The following RGS7BP variants were observed in gnomAD, a reference collection of about 807,000 sequenced individuals.
RGS7BP encodes regulator of G protein signaling 7-binding protein.
A neutral mutation model predicts 31.3 loss-of-function variants in RGS7BP; 9 were observed. The observed-to-expected ratio is 0.29, with a 90% CI of 0.17 to 0.50. The LOEUF is 0.50. Among genes scored for constraint, RGS7BP ranks in the 20% least tolerant of loss-of-function variants. The pLI is 0.98. For missense variants in RGS7BP, 274 were observed against 322.0 expected (o/e 0.85, Z 1.14); for synonymous variants, 115 against 120.1 (o/e 0.96, Z 0.28).
At chr5:64,538,546 CTTTTTTTTTTTTT>C (rs1191560944) in intron 2 of RGS7BP, among the ~76,000 whole-genome samples, 2 of 40,026 alleles carry the variant, frequency 5.0e-5, no homozygotes, top group Non-Finnish European at 4.2e-5. Flanking sequence ...TTTTCCTTTT[CTTTTTTTTTTTTT>C]TTTTTTTTTT....
At chr5:64,533,380 T>A (rs1355594367) in intron 2 of RGS7BP, among the ~76,000 whole-genome samples, 3 of 152,198 alleles carry the variant, frequency 2.0e-5, no homozygotes, top group Admixed American at 1.3e-4. Flanking sequence ...CCAGACTACA[T>A]GAGCTTTGGA....
chr5:64,575,240 T>G (rs1050169225), intron 2 of RGS7BP, among the ~76,000 whole-genome samples: 2 of 152,152 alleles, frequency 1.3e-5, no homozygotes, highest in African/African-American at 4.8e-5. Context: ...TTAAAAACAT[T>G]TGGTCTTTCA....
chr5:64,546,660 G>A (rs1306852728), intron 2 of RGS7BP, among the ~76,000 whole-genome samples: 3 of 131,428 alleles, frequency 2.3e-5, no homozygotes, highest in Non-Finnish European at 4.8e-5. Context: ...CAGATACTGA[G>A]AAGGGACACA....
chr5:64,566,702 A>T (rs1264840762), intron 2 of RGS7BP, among the ~76,000 whole-genome samples: 5 of 151,886 alleles, frequency 3.3e-5, no homozygotes, highest in African/African-American at 1.2e-4. Flanking sequence ...GAAATTCCCT[A>T]CTCAAGATAG....
intron 2 of RGS7BP, among the ~76,000 whole-genome samples, chr5:64,546,144 A>T (rs1161892071): frequency 1.3e-5 from 2 of 152,128 alleles, no homozygotes; most frequent in Non-Finnish European, 2.9e-5. Context: ...ACAGAACAAG[A>T]CTCTGTCTCA....
intron 2 of RGS7BP, among the ~76,000 whole-genome samples, chr5:64,553,765 C>T (rs962161266): frequency 1.3e-5 from 2 of 152,082 alleles, no homozygotes; most frequent in African/African-American, 2.4e-5. Flanking sequence ...TCTGGCAAGA[C>T]ACTGGTTAAA....
chr5:64,533,329 A>C (rs1207068651), intron 2 of RGS7BP, among the ~76,000 whole-genome samples: 1 of 152,210 alleles, frequency 6.6e-6, no homozygotes, highest in Non-Finnish European at 1.5e-5. Context: ...AGAAGCTTTG[A>C]AGACTCTAAT....
At chr5:64,592,374 CT>C (rs1347859278) in intron 3 of RGS7BP, among the ~76,000 whole-genome samples, 1 of 152,116 alleles carries the variant, frequency 6.6e-6, no homozygotes, top group Non-Finnish European at 1.5e-5. Context: ...TATTACCTGC[CT>C]TTACAAGCCC....
intron 3 of RGS7BP, among the ~76,000 whole-genome samples, chr5:64,589,265 C>G (rs1742843838): frequency 6.6e-6 from 1 of 151,192 alleles, no homozygotes; most frequent in Non-Finnish European, 1.5e-5. Flanking sequence ...CATTGCACTC[C>G]AGACTGGGCA....
intron 2 of RGS7BP, among the ~76,000 whole-genome samples, chr5:64,510,127 A>G (rs1748795978): frequency 6.6e-6 from 1 of 152,126 alleles, no homozygotes; most frequent in African/African-American, 2.4e-5. Flanking sequence ...TTTTTGGCGA[A>G]ATTTAGAGAG....
intron 2 of RGS7BP, among the ~76,000 whole-genome samples, chr5:64,556,106 A>G (rs998112294): frequency 6.6e-5 from 10 of 152,004 alleles, no homozygotes; most frequent in African/African-American, 2.4e-4. Flanking sequence ...GATTATATCA[A>G]TTTACTCTTC....
intron 3 of RGS7BP, among the ~76,000 whole-genome samples, chr5:64,590,627 G>A (rs1018325803): frequency 3.9e-5 from 6 of 152,032 alleles, no homozygotes; most frequent in Non-Finnish European, 5.9e-5. Context: ...AAAAGTCAAA[G>A]TCTTACATGA....
intron 2 of RGS7BP, among the ~76,000 whole-genome samples, chr5:64,534,067 A>G (rs899656453): frequency 1.3e-5 from 2 of 152,210 alleles, no homozygotes; most frequent in Non-Finnish European, 2.9e-5. Flanking sequence ...GGGTGGAGGA[A>G]AAGAGCAGCT....
Position 64,598,402 on chromosome 5 carries a change from A to G in RGS7BP, c.649A>G (p.Arg217Gly). Residue 217 changes from arginine to glycine, a missense_variant, in exon 5 of 6, where the codon AGG (arginine) becomes GGG (glycine). Around this residue, in one of 3 missense-constraint regions of RGS7BP, gnomAD observed 112 missense variants for 130.9 expected, o/e 0.86. Transcript: ENST00000334025. ...REMKNLLSKLRETMPLPLKNQ... is the reference protein window; with the variant it reads ...REMKNLLSKLGETMPLPLKNQ... ...AATGAAAAACCTTTTAAGCAAACTC[A>G]GGGAAACTATGCCTTTACCATTGAA... 1.9e-6 allele frequency: 3 copies of G among 1,605,880 alleles called. No homozygotes were observed. The highest frequency in any genetic ancestry group is 2.6e-6 in the Non-Finnish European group (3 of 1,172,540).
chr5:64,561,412 T>G (rs1742051141), intron 2 of RGS7BP, among the ~76,000 whole-genome samples: 1 of 152,166 alleles, frequency 6.6e-6, no homozygotes, highest in Non-Finnish European at 1.5e-5. Flanking sequence ...GCCCTGGTAA[T>G]GGTATGTACC....
chr5:64,609,107 A>T lies in RGS7BP; in HGVS notation c.683-54A>T. 4 of 1,122,276 alleles carry T rather than the reference A, an allele frequency of 3.6e-6. No homozygotes were observed. The South Asian group carries it at 4.9e-5, about 14-fold the overall frequency. 69.5% of individuals were successfully genotyped at this position (1,122,276 alleles called of 1,614,324 possible). Reference sequence around the variant, plus strand: ...TGGATTTTTAAAGCCACTTCCTAAAAAGCAGGTTGTTGTGTCTATACCTCA... The same window carrying T: ...TGGATTTTTAAAGCCACTTCCTAAATAGCAGGTTGTTGTGTCTATACCTCA... On this transcript the variant is annotated intron_variant, in intron 5 of 5. Coordinates refer to ENST00000334025, the MANE Select transcript of RGS7BP (RefSeq NM_001029875.3).
At chr5:64,509,445 C>G (rs549529962) in intron 2 of RGS7BP, among the ~76,000 whole-genome samples, 1 of 152,012 alleles carries the variant, frequency 6.6e-6, no homozygotes, top group Non-Finnish European at 1.5e-5. Context: ...ACAAGGAGTT[C>G]GATTCAGTCT....
intron 2 of RGS7BP, among the ~76,000 whole-genome samples, chr5:64,574,610 A>C (rs1271675116): frequency 6.6e-6 from 1 of 152,150 alleles, no homozygotes; most frequent in Non-Finnish European, 1.5e-5. Flanking sequence ...AGAATTTTGC[A>C]TTTTCTTGTG....
chr5:64,570,557 A>G (rs941077420), intron 2 of RGS7BP, among the ~76,000 whole-genome samples: 2 of 152,160 alleles, frequency 1.3e-5, no homozygotes, highest in Admixed American at 1.3e-4. Context: ...TTAAAAAGCT[A>G]TTAGCAGCTA....
Sources: allele counts gnomAD v4.1 joint callset (sites outside exome capture counted in the v4.1 genomes callset), GRCh38; gene constraint gnomAD v4.1.1; regional missense constraint gnomAD v4.1.1; transcripts MANE v1.5; gene names NCBI Gene and HGNC (gene_info 2026-07-23, HGNC 2026-07-21).